SPATA6: variants seen among roughly 807,000 people sequenced by gnomAD.
SPATA6 encodes the protein spermatogenesis associated 6.
SPATA6 carries 56 observed loss-of-function variants against 65.3 expected under a neutral mutation model. That is an observed-to-expected ratio of 0.86 (90% CI 0.69 to 1.07). The LOEUF (loss-of-function observed/expected upper bound fraction) is 1.07. Among genes scored for constraint, SPATA6 ranks in the 50% least tolerant of loss-of-function variants. The probability of loss-of-function intolerance (pLI) is 0.00; values close to 1 mark genes in which losing one functional copy is unlikely to be tolerated. For missense variants in SPATA6, 590 were observed against 594.8 expected (o/e 0.99, Z 0.08); for synonymous variants, 199 against 213.2 (o/e 0.93, Z 0.58).
intron 11 of SPATA6, among the ~76,000 whole-genome samples, chr1:48,352,716 T>G (rs748470540): frequency 1.5e-4 from 23 of 152,086 alleles, no homozygotes; most frequent in Admixed American, 4.6e-4. Context: ...ACATGAGTTC[T>G]GCATACTGAA....
chr1:48,322,524 C>T (rs564337506), intron 11 of SPATA6, among the ~76,000 whole-genome samples: 1 of 152,270 alleles, frequency 6.6e-6, no homozygotes, highest in African/African-American at 2.4e-5. Flanking sequence ...GTCTTCATGA[C>T]TAAAACCCAA....
intron 1 of SPATA6, among the ~76,000 whole-genome samples, chr1:48,463,504 C>T (rs1308530358): frequency 6.6e-6 from 1 of 151,902 alleles, no homozygotes; most frequent in African/African-American, 2.4e-5. Context: ...AAAACATTAT[C>T]AATAGCTTTG....
At chr1:48,350,709 T>C (rs982988235) in intron 11 of SPATA6, among the ~76,000 whole-genome samples, 1 of 151,972 alleles carries the variant, frequency 6.6e-6, no homozygotes, top group Non-Finnish European at 1.5e-5. Context: ...ATTTCTGGAA[T>C]CTTTATTCTA....
chr1:48,445,715 G>C (rs1655988610), intron 3 of SPATA6, among the ~76,000 whole-genome samples: 1 of 133,596 alleles, frequency 7.5e-6, no homozygotes, highest in South Asian at 2.4e-4. Flanking sequence ...CTGAACGAAA[G>C]GTAGAACATG....
chr1:48,375,029 A>C (rs973159961), intron 9 of SPATA6, among the ~76,000 whole-genome samples: 1 of 152,194 alleles, frequency 6.6e-6, no homozygotes, highest in African/African-American at 2.4e-5. Flanking sequence ...ACAATCCTAG[A>C]AGTCCAATAA....
At chr1:48,435,388 T>C (rs114490062) in intron 3 of SPATA6, among the ~76,000 whole-genome samples, 1,856 of 151,364 alleles carry the variant, frequency 0.012, 45 homozygotes, top group African/African-American at 0.043. Flanking sequence ...CAGCACTCTG[T>C]CTAGCTAAAG....
chr1:48,283,772 C>T, the SPATA6 span, among the ~76,000 whole-genome samples: 3 of 150,152 alleles, frequency 2.0e-5, no homozygotes, highest in East Asian at 5.9e-4. Flanking sequence ...TCTCTTCTGG[C>T]ATTTAGGGTT....
the SPATA6 span, among the ~76,000 whole-genome samples, chr1:48,284,926 G>A: frequency 6.6e-6 from 1 of 152,298 alleles, no homozygotes; most frequent in East Asian, 1.9e-4. Flanking sequence ...ACTTGAGGAG[G>A]TAGTCTGACC....
rs1650361094 is a variant in SPATA6, at chr1:48,394,275, A to C, written c.868+992T>G. 2.6e-5 allele frequency among the ~76,000 whole-genome samples: 4 copies of C among 152,146 alleles called. 1 individual carries two copies. Among genetic ancestry groups the C allele is most frequent in the Admixed American group, 2.6e-4 (4 of 15,258 alleles). ...ATTAAAAGTTATTAGAAACCACAAC[A>C]GTTCTGCTGGCAAATATGTAATCGT... is the stretch of plus-strand genomic sequence containing the variant. On this transcript the variant is annotated intron_variant, in intron 8 of 12. Coordinates refer to ENST00000371847, the MANE Select transcript of SPATA6 (RefSeq NM_019073.4).
rs576341827 is a variant in SPATA6, at chr1:48,305,433, G to A, written c.1286+354C>T. On this transcript the variant is annotated intron_variant, in intron 12 of 12. Transcript: ENST00000371847. ...TATTAACATTCCTCAAATTATAGGC[G>A]AGAATAGAATTTGCTCTTACAGAAT... Among the ~76,000 whole-genome samples the A allele has an allele frequency of 7.2e-5, 11 of 152,128 alleles. No homozygotes were observed. In the East Asian group the frequency reaches 7.7e-4, roughly 11 times the overall value.
intron 11 of SPATA6, among the ~76,000 whole-genome samples, chr1:48,354,854 T>C (rs189188289): frequency 2.5e-4 from 38 of 152,274 alleles, no homozygotes; most frequent in African/African-American, 9.1e-4. Context: ...TACATGAGAC[T>C]GTTAATTTTA....
downstream of SPATA6, among the ~76,000 whole-genome samples, chr1:48,293,177 AG>A (rs2148624572): frequency 6.6e-6 from 1 of 152,208 alleles, no homozygotes; most frequent in South Asian, 2.1e-4. Context: ...CCGGGATTTG[AG>A]TGGGATAAAA....
intron 3 of SPATA6, among the ~76,000 whole-genome samples, chr1:48,449,392 AG>A (rs1235372160): frequency 6.6e-6 from 1 of 152,212 alleles, no homozygotes; most frequent in Admixed American, 6.5e-5. Context: ...AATGCTGTTA[AG>A]TACACAGCAC....
chr1:48,436,729 G>A (rs1654975247), intron 3 of SPATA6: 1 of 1,614,184 alleles, frequency 6.2e-7, no homozygotes, highest in Non-Finnish European at 8.5e-7. Context: ...TTACAGTGTT[G>A]GGATTACAGC....
At chr1:48,330,627 C>T (rs2148728468) in intron 11 of SPATA6, among the ~76,000 whole-genome samples, 1 of 152,356 alleles carries the variant, frequency 6.6e-6, no homozygotes, top group Middle Eastern at 3.4e-3. Flanking sequence ...ACCTGCTAGG[C>T]TTTCCAGCCA....
downstream of SPATA6, among the ~76,000 whole-genome samples, chr1:48,290,744 C>T (rs941931463): frequency 6.6e-6 from 1 of 151,964 alleles, no homozygotes; most frequent in African/African-American, 2.4e-5. Context: ...TCAGAAGAGA[C>T]AAAAAAGGCC....
chr1:48,415,156 T>A (rs1292611571), intron 3 of SPATA6, among the ~76,000 whole-genome samples: 1 of 151,026 alleles, frequency 6.6e-6, no homozygotes, highest in African/African-American at 2.5e-5. Context: ...TTAAAGGGAA[T>A]GTGAGGAAAA....
intron 3 of SPATA6, among the ~76,000 whole-genome samples, chr1:48,428,375 C>T (rs1654038933): frequency 6.6e-6 from 1 of 152,164 alleles, no homozygotes; most frequent in Non-Finnish European, 1.5e-5. Context: ...AATCGCTGAA[C>T]CCAGGAGGTG....
At chr1:48,424,494 T>C (rs1350956980) in intron 3 of SPATA6, among the ~76,000 whole-genome samples, 2 of 152,220 alleles carry the variant, frequency 1.3e-5, no homozygotes, top group African/African-American at 4.8e-5. Flanking sequence ...TTCTTTTGGG[T>C]ATATACTCAG....
Sources: allele counts gnomAD v4.1 joint callset (sites outside exome capture counted in the v4.1 genomes callset), GRCh38; gene constraint gnomAD v4.1.1; transcripts MANE v1.5; gene names NCBI Gene and HGNC (gene_info 2026-07-23, HGNC 2026-07-21).